The following SLMAP variants were observed in gnomAD, a reference collection of about 807,000 sequenced individuals.
SLMAP encodes the protein sarcolemma associated protein, also known as sarcolemmal membrane-associated protein.
Under a neutral mutation model 128.8 loss-of-function variants are expected in SLMAP, and 44 were observed. That is an observed-to-expected ratio of 0.34 (90% CI 0.27 to 0.44). The LOEUF (loss-of-function observed/expected upper bound fraction) is 0.44, where lower values mean the gene tolerates loss of function less well. SLMAP is among the 20% of genes least tolerant of loss of function. The pLI, the probability that SLMAP is intolerant of heterozygous loss-of-function variation, is 1.00. For missense variants in SLMAP, 787 were observed against 985.3 expected (o/e 0.80, Z 2.69); for synonymous variants, 327 against 348.8 (o/e 0.94, Z 0.70).
chr3:57,821,377 T>G (rs2092501469), intron 2 of SLMAP, among the ~76,000 whole-genome samples: 1 of 152,214 alleles, frequency 6.6e-6, no homozygotes, highest in Non-Finnish European at 1.5e-5. Context: ...TTGGCAAGTT[T>G]CATTCTAGTT....
At chr3:57,843,775 CT>C (rs775541858) in intron 4 of SLMAP, among the ~76,000 whole-genome samples, 367 of 77,116 alleles carry the variant, frequency 4.8e-3, no homozygotes, top group African/African-American at 0.016. Flanking sequence ...TCTTTTCTTT[CT>C]TTTTTTTTTT....
At chr3:57,840,790 A>G (rs1285120734) in intron 3 of SLMAP, among the ~76,000 whole-genome samples, 1 of 152,240 alleles carries the variant, frequency 6.6e-6, no homozygotes, top group African/African-American at 2.4e-5. Flanking sequence ...TTGTGGAAGC[A>G]GTTTCACTTG....
chr3:57,822,589 A>C (rs1218206706), intron 2 of SLMAP, among the ~76,000 whole-genome samples: 1 of 152,234 alleles, frequency 6.6e-6, no homozygotes, highest in Non-Finnish European at 1.5e-5. Flanking sequence ...GGTGTTTGGC[A>C]TAGTAGCTAC....
chr3:57,925,984 T>C, intron 24 of SLMAP, 50 bp downstream of exon 24: 1 of 1,346,396 alleles, frequency 7.4e-7, no homozygotes. Context: ...GTCACCTTTT[T>C]GTGCCATATT....
At chr3:57,775,659 C>G (rs2081770991) in intron 2 of SLMAP, among the ~76,000 whole-genome samples, 1 of 151,878 alleles carries the variant, frequency 6.6e-6, no homozygotes, top group Non-Finnish European at 1.5e-5. Flanking sequence ...CACTGCACTC[C>G]AGCCTGGGAG....
At chr3:57,822,231 A>G (rs1397418707) in intron 2 of SLMAP, among the ~76,000 whole-genome samples, 4 of 152,192 alleles carry the variant, frequency 2.6e-5, no homozygotes, top group Non-Finnish European at 4.4e-5. Context: ...GTCTTTATAC[A>G]TGAAATGGGA....
intron 5 of SLMAP, 40 bp downstream of exon 5, chr3:57,847,273 T>C: frequency 2.0e-6 from 3 of 1,491,878 alleles, no homozygotes; most frequent in Non-Finnish European, 2.8e-6. Context: ...CTGACTCAGC[T>C]ATGTTGCTTT....
chr3:57,898,001 C>CT (rs1219261172), intron 17 of SLMAP: 1 of 152,104 alleles, frequency 6.6e-6, no homozygotes, highest in African/African-American at 2.4e-5. Flanking sequence ...TAGTGGTGTA[C>CT]TAACACCAGA....
At chr3:57,859,862 T>TA (rs1238304361) in intron 8 of SLMAP, among the ~76,000 whole-genome samples, 1 of 152,126 alleles carries the variant, frequency 6.6e-6, no homozygotes, top group Non-Finnish European at 1.5e-5. Context: ...GGTATTGGAA[T>TA]AAAAAAATTT....
chr3:57,762,328 C>T (rs1428016707), intron 2 of SLMAP, among the ~76,000 whole-genome samples: 1 of 150,740 alleles, frequency 6.6e-6, no homozygotes, highest in African/African-American at 2.4e-5. Context: ...GAGATCGCGC[C>T]ACTGCACTCC....
Position 57,922,867 on chromosome 3 carries a change from C to CAT in SLMAP, c.2311-22_2311-21insAT. On this transcript the variant is annotated intron_variant, in intron 22 of 24. Coordinates refer to ENST00000671191, the MANE Select transcript of SLMAP (RefSeq NM_001377540.1). ...ACCCATTTTAAGTTGTATCTGCACA[C>CAT]TTTTTTTTTCTTTGCCTTTAGTATG... The CAT allele has an allele frequency of 3.1e-6, 5 of 1,597,376 alleles. No homozygotes were observed. In the South Asian group the frequency reaches 5.5e-5, roughly 18 times the overall value.
intron 2 of SLMAP, among the ~76,000 whole-genome samples, chr3:57,775,112 T>A (rs2081570677): frequency 6.6e-6 from 1 of 151,814 alleles, no homozygotes; most frequent in African/African-American, 2.4e-5. Flanking sequence ...CGGAGTACAG[T>A]GGCGCGATCT....
chr3:57,915,618 T>G (rs77186280), intron 21 of SLMAP, among the ~76,000 whole-genome samples: 20 of 152,322 alleles, frequency 1.3e-4, no homozygotes, highest in Non-Finnish European at 2.4e-4. Flanking sequence ...AGTAGTTCAA[T>G]TACCATAGTG....
chr3:57,783,233 T>C (rs1465003374), intron 2 of SLMAP, among the ~76,000 whole-genome samples: 1 of 152,116 alleles, frequency 6.6e-6, no homozygotes, highest in Non-Finnish European at 1.5e-5. Flanking sequence ...GAAACGTGTA[T>C]CAAAAAATCT....
intron 2 of SLMAP, among the ~76,000 whole-genome samples, chr3:57,794,615 G>A (rs2086292454): frequency 6.6e-6 from 1 of 151,970 alleles, no homozygotes. Context: ...TCAGACCCTG[G>A]CAACCACTAA....
chr3:57,826,767 T>C (rs1436144928), intron 2 of SLMAP, among the ~76,000 whole-genome samples: 1 of 152,200 alleles, frequency 6.6e-6, no homozygotes, highest in Non-Finnish European at 1.5e-5. Context: ...CATTCCCATT[T>C]CCAGCTTTTC....
At chr3:57,795,351 AGCGTCGTGAAACCCCGT>A (rs2086481642) in intron 2 of SLMAP, among the ~76,000 whole-genome samples, 3 of 152,164 alleles carry the variant, frequency 2.0e-5, no homozygotes, top group Non-Finnish European at 2.9e-5. Context: ...CAGCCTGGCC[AGCGTCGTGAAACCCCGT>A]CTCTACTAAA....
intron 6 of SLMAP, among the ~76,000 whole-genome samples, chr3:57,856,148 T>C (rs1321821334): frequency 6.6e-6 from 1 of 151,894 alleles, no homozygotes; most frequent in Non-Finnish European, 1.5e-5. Flanking sequence ...AGTTTGAGAT[T>C]ACAGTGAGCC....
At chr3:57,817,927 CTA>C (rs928410666) in intron 2 of SLMAP, among the ~76,000 whole-genome samples, 2 of 152,142 alleles carry the variant, frequency 1.3e-5, no homozygotes, top group Admixed American at 1.3e-4. Context: ...ACCATTGTGA[CTA>C]TAGATAGGTC....
Sources: gnomAD v4.1 joint callset for allele counts (sites outside exome capture counted in the v4.1 genomes callset) on GRCh38, gnomAD v4.1.1 for gene constraint, MANE v1.5 for transcripts, NCBI Gene and HGNC (gene_info 2026-07-23, HGNC 2026-07-21) for gene names.